FILIP1L: variants seen among roughly 807,000 people sequenced by gnomAD.
FILIP1L encodes filamin A-interacting protein 1-like.
FILIP1L carries 55 observed loss-of-function variants against 96.6 expected under a neutral mutation model. The ratio of observed to expected loss-of-function variants is 0.57; its 90% CI spans 0.46 to 0.71. The LOEUF (loss-of-function observed/expected upper bound fraction) is 0.71, where lower values mean the gene tolerates loss of function less well. Ranked by LOEUF, FILIP1L falls within the 30% of genes least tolerant of loss-of-function variation. FILIP1L has a pLI of 0.00. For synonymous variants in FILIP1L, 467 were observed against 473.9 expected, an observed-to-expected ratio of 0.99 and a Z score of 0.19; for missense variants, 1,304 against 1,321.2, an observed-to-expected ratio of 0.99 and a Z score of 0.20.
chr3:100,074,674 G>GTTTTTTT (rs1559748772), intron 1 of FILIP1L, among the ~76,000 whole-genome samples: 2 of 25,108 alleles, frequency 8.0e-5, no homozygotes, highest in African/African-American at 3.0e-4. Flanking sequence ...TGCAACATTT[G>GTTTTTTT]ATTTTTTTTT....
chr3:99,854,027 C>T (rs1943836616), intron 4 of FILIP1L, among the ~76,000 whole-genome samples: 1 of 152,108 alleles, frequency 6.6e-6, no homozygotes, highest in African/African-American at 2.4e-5. Context: ...GGAAAGACAG[C>T]TGGTTATGCT....
In FILIP1L at chr3:100,102,205, C is replaced by T. The variant is rs565673765; in HGVS notation, c.-11+11848G>A. On this transcript the variant is annotated intron_variant, in intron 1 of 5. Coordinates refer to ENST00000477258, the MANE Select transcript of FILIP1L (RefSeq NM_001387850.1). ...CCTGAGGAATCACCACACCGACTTCCACAATGGTTGAACTAGTTTACAGTC... is the reference window on the plus strand; with the variant it reads ...CCTGAGGAATCACCACACCGACTTCTACAATGGTTGAACTAGTTTACAGTC... Among the ~76,000 whole-genome samples the T allele has an allele frequency of 4.6e-3, 705 of 152,336 alleles. 2 individuals carry two copies. The highest frequency in any genetic ancestry group is 7.0e-3 in the South Asian group (34 of 4,826).
At chr3:100,087,391 T>C (rs1299544053) in intron 1 of FILIP1L, among the ~76,000 whole-genome samples, 1 of 152,178 alleles carries the variant, frequency 6.6e-6, no homozygotes, top group Non-Finnish European at 1.5e-5. Flanking sequence ...TTGGTTTTGG[T>C]TTTGGTTGAC....
intron 3 of FILIP1L, among the ~76,000 whole-genome samples, chr3:99,925,140 C>G (rs982080464): frequency 6.6e-6 from 1 of 152,148 alleles, no homozygotes; most frequent in Admixed American, 6.5e-5. Context: ...CCTCTTGGAT[C>G]GCTCTACCAG....
intron 4 of FILIP1L, among the ~76,000 whole-genome samples, chr3:99,904,957 T>C (rs890650365): frequency 5.9e-5 from 9 of 152,164 alleles, no homozygotes; most frequent in African/African-American, 2.2e-4. Context: ...GTGTCTACCA[T>C]TCTGAAGAAA....
intron 1 of FILIP1L, among the ~76,000 whole-genome samples, chr3:99,988,464 A>G (rs1300778981): frequency 6.9e-6 from 1 of 145,766 alleles, no homozygotes; most frequent in Non-Finnish European, 1.5e-5. Flanking sequence ...GTGAGCCGAG[A>G]TCATGCCACT....
Position 99,980,613 on chromosome 3 carries a change from G to T in FILIP1L, c.-10-49583C>A, listed in dbSNP as rs542693440. ...AATTACTGGCTTTCAGCAGTTTTTA[G>T]ATTTCAGAATTGTGAATAAGGAATT... On this transcript the variant is annotated intron_variant, in intron 1 of 5. Transcript: ENST00000477258. 2.6e-5 allele frequency among the ~76,000 whole-genome samples: 4 copies of T among 152,266 alleles called. No homozygotes were observed. In the South Asian group the frequency reaches 8.3e-4, roughly 32 times the overall value.
intron 5 of FILIP1L, among the ~76,000 whole-genome samples, chr3:99,840,217 G>C (rs1184223173): frequency 7.6e-6 from 1 of 131,762 alleles, no homozygotes; most frequent in Non-Finnish European, 1.6e-5. Context: ...TTAATTCGTA[G>C]AATCTTTTTT....
intron 1 of FILIP1L, among the ~76,000 whole-genome samples, chr3:100,061,426 T>G (rs557957528): frequency 4.9e-4 from 75 of 152,340 alleles, no homozygotes; most frequent in African/African-American, 1.6e-3. Flanking sequence ...AATTCTTGGT[T>G]ATTCCAGGGT....
At chr3:99,880,375 G>A (rs1282270562) in intron 4 of FILIP1L, among the ~76,000 whole-genome samples, 21 of 152,068 alleles carry the variant, frequency 1.4e-4, no homozygotes, top group Admixed American at 1.4e-3. Flanking sequence ...CATATAAACT[G>A]CAGTAACTGA....
chr3:100,057,137 G>C (rs2065478910), intron 1 of FILIP1L, among the ~76,000 whole-genome samples: 1 of 152,218 alleles, frequency 6.6e-6, no homozygotes, highest in East Asian at 1.9e-4. Flanking sequence ...AAGCTCTGGT[G>C]CTGGCAGAGC....
chr3:100,043,724 T>C (rs536884998), intron 1 of FILIP1L, among the ~76,000 whole-genome samples: 3 of 152,352 alleles, frequency 2.0e-5, no homozygotes, highest in South Asian at 4.1e-4. Flanking sequence ...TACAATGTGA[T>C]ATTTTAATCT....
At chr3:100,073,757 C>T (rs548523021) in intron 1 of FILIP1L, among the ~76,000 whole-genome samples, 2 of 152,138 alleles carry the variant, frequency 1.3e-5, no homozygotes, top group African/African-American at 2.4e-5. Context: ...AGGGTGTGTG[C>T]CGGGCAAGAT....
chr3:100,027,373 A>T (rs2064944052), intron 1 of FILIP1L, among the ~76,000 whole-genome samples: 1 of 152,160 alleles, frequency 6.6e-6, no homozygotes, highest in Non-Finnish European at 1.5e-5. Flanking sequence ...CTTAAAAACA[A>T]TTTTTTTAAC....
intron 1 of FILIP1L, among the ~76,000 whole-genome samples, chr3:99,961,335 A>G (rs774925168): frequency 5.9e-5 from 9 of 152,106 alleles, no homozygotes; most frequent in African/African-American, 9.7e-5. Flanking sequence ...TTTAACCCCA[A>G]TACTCCATGG....
At chr3:99,843,621 T>A (rs78954535) in intron 5 of FILIP1L, among the ~76,000 whole-genome samples, 9,973 of 152,252 alleles carry the variant, frequency 0.066, 449 homozygotes, top group Middle Eastern at 0.099. Flanking sequence ...CCTAACCTAC[T>A]GAATATCATG....
rs182417021 is a variant in FILIP1L, at chr3:99,850,250, C to T, written c.1426G>A (p.Glu476Lys). ...KVRIKELEAIESRLEKTEFTL... is the reference protein window; with the variant it reads ...KVRIKELEAIKSRLEKTEFTL... ...AATTCTGTCTTTTCTAGCCGACTTTCAATGGCTTCTAGCTCTTTGATCCTT... is the reference window on the plus strand; with the variant it reads ...AATTCTGTCTTTTCTAGCCGACTTTTAATGGCTTCTAGCTCTTTGATCCTT... The change falls in exon 5 of 6, where the codon GAA (glutamate) becomes AAA (lysine). Residue 476 changes from glutamate (E) to lysine (K), a missense_variant. Physicochemically the swap from Glu to Lys is moderately conservative, Grantham distance 56 (BLOSUM62 1). Coordinates refer to ENST00000477258, the MANE Select transcript of FILIP1L (RefSeq NM_001387850.1). 244 of 1,613,816 alleles carry T rather than the reference C, an allele frequency of 1.5e-4. 1 individual carries two copies. The East Asian group carries it at 4.2e-3, about 28-fold the overall frequency.
At chr3:99,837,977 T>C (rs1942969030) in intron 5 of FILIP1L, among the ~76,000 whole-genome samples, 1 of 152,244 alleles carries the variant, frequency 6.6e-6, no homozygotes, top group African/African-American at 2.4e-5. Flanking sequence ...ATGGTTGTGA[T>C]GTTCCTTCCG....
chr3:100,022,522 A>G (rs2064844713), intron 1 of FILIP1L, among the ~76,000 whole-genome samples: 1 of 152,226 alleles, frequency 6.6e-6, no homozygotes, highest in Non-Finnish European at 1.5e-5. Flanking sequence ...TATATCTTAT[A>G]TTGGACCTGA....
Sources: allele counts gnomAD v4.1 joint callset (sites outside exome capture counted in the v4.1 genomes callset), GRCh38; gene constraint gnomAD v4.1.1; transcripts MANE v1.5; gene names NCBI Gene and HGNC (gene_info 2026-07-23, HGNC 2026-07-21).